Variants in RAB31 observed in about 807,000 individuals in gnomAD.
RAB31 encodes the protein RAB31, member RAS oncogene family, also known as ras-related protein Rab-31.
In RAB31, 21 loss-of-function variants were observed where a neutral mutation model predicts 25.6. That is an observed-to-expected ratio of 0.82 (90% CI 0.58 to 1.18). The LOEUF is 1.18. Among genes scored for constraint, RAB31 ranks in the 50% most tolerant of loss-of-function variants. The probability of loss-of-function intolerance (pLI) is 0.00; values close to 1 mark genes in which losing one functional copy is unlikely to be tolerated. For missense variants in RAB31, 196 were observed against 250.1 expected (o/e 0.78, Z 1.46); for synonymous variants, 87 against 84.0 (o/e 1.04, Z -0.20).
At chr18:9,850,065 G>A (rs891210683) in intron 6 of RAB31, among the ~76,000 whole-genome samples, 4 of 152,204 alleles carry the variant, frequency 2.6e-5, no homozygotes, top group Non-Finnish European at 5.9e-5. Flanking sequence ...TTGGACGAGG[G>A]TGGAGGAAGT....
At chr18:9,850,867 AAAATAAATAAAT>A (rs10569954) in intron 6 of RAB31, among the ~76,000 whole-genome samples, 13 of 150,226 alleles carry the variant, frequency 8.7e-5, no homozygotes, top group African/African-American at 2.9e-4. Context: ...TCCTATCTCT[AAAATAAATAAAT>A]AAATAAATAA....
chr18:9,801,857 C>T (rs758406193), intron 3 of RAB31, among the ~76,000 whole-genome samples: 1 of 152,196 alleles, frequency 6.6e-6, no homozygotes, highest in Non-Finnish European at 1.5e-5. Flanking sequence ...TAATTTCTGT[C>T]CATGTTGTAA....
chr18:9,754,260 C>T (rs2068249668), intron 1 of RAB31, among the ~76,000 whole-genome samples: 2 of 152,134 alleles, frequency 1.3e-5, no homozygotes, highest in Non-Finnish European at 1.5e-5. Flanking sequence ...AAAATTGTGT[C>T]TGTACTGAAC....
chr18:9,764,649 C>T (rs11665182), intron 1 of RAB31, among the ~76,000 whole-genome samples: 45,643 of 152,024 alleles, frequency 0.3, 7,152 homozygotes, highest in Middle Eastern at 0.37. Flanking sequence ...CCTTCCTTTC[C>T]GCTTATTTTT....
In RAB31 at chr18:9,734,186, G is replaced by A. The variant is rs562743618; in HGVS notation, c.39+25742G>A. On this transcript the variant is annotated intron_variant, in intron 1 of 6. Transcript: ENST00000578921. ...AGGTACATAAGAGCTAGTATCTATCGCACTCTATATACTGACACTGGACGA... is the reference window on the plus strand; with the variant it reads ...AGGTACATAAGAGCTAGTATCTATCACACTCTATATACTGACACTGGACGA... Among the ~76,000 whole-genome samples the A allele has an allele frequency of 2.0e-5, 3 of 151,898 alleles. No homozygotes were observed. The South Asian group carries it at 6.2e-4, about 32-fold the overall frequency.
chr18:9,772,856 G>C (rs1175657854), intron 1 of RAB31, among the ~76,000 whole-genome samples: 1 of 152,070 alleles, frequency 6.6e-6, no homozygotes, highest in Non-Finnish European at 1.5e-5. Context: ...GCTACAGTCT[G>C]GCAAGGATTT....
Position 9,802,748 on chromosome 18 carries a change from G to A in RAB31, c.201+10513G>A, listed in dbSNP as rs369638101. Among the ~76,000 whole-genome samples, 171 of 152,354 alleles carry A rather than the reference G, an allele frequency of 1.1e-3. 6 individuals are homozygous for A. In the South Asian group the frequency reaches 0.033, roughly 29 times the overall value. On this transcript the variant is annotated intron_variant, in intron 3 of 6. Transcript: ENST00000578921. The stretch of plus-strand genomic sequence containing the variant: ...GTGCCCAGAGGGCTGGGATGCACTG[G>A]CACAAAGCTGTGCGGAATCGCTGGG...
At position 9,779,212 on chromosome 18, in the gene RAB31, T is replaced by C. The variant is rs372045011; in HGVS notation, c.119+3855T>C. ...GTAAACTAAAAGTGCTCTAAAAAAC[T>C]GTTATTAGTTTAAAAATTATGTCTT... On this transcript the variant is annotated intron_variant, in intron 2 of 6. Transcript: ENST00000578921. Among the ~76,000 whole-genome samples, 14 of 152,322 alleles carry C rather than the reference T, an allele frequency of 9.2e-5. No homozygotes were observed. In the South Asian group the frequency reaches 2.5e-3, roughly 27 times the overall value.
intron 6 of RAB31, among the ~76,000 whole-genome samples, chr18:9,858,502 A>G (rs2068830491): frequency 6.6e-6 from 1 of 152,244 alleles, no homozygotes; most frequent in Admixed American, 6.5e-5. Context: ...AAATCACCTC[A>G]TAAAGAAACC....
At chr18:9,801,705 G>A (rs2068514681) in intron 3 of RAB31, among the ~76,000 whole-genome samples, 1 of 152,238 alleles carries the variant, frequency 6.6e-6, no homozygotes, top group African/African-American at 2.4e-5. Context: ...AAAACTAGCA[G>A]TGTGTAAGGC....
chr18:9,775,183 A>G, intron 1 of RAB31, 95 bp from the exon 2 acceptor site: 1 of 1,580,320 alleles, frequency 6.3e-7, no homozygotes, highest in Non-Finnish European at 8.6e-7. Flanking sequence ...AGAAATAGCC[A>G]GTCGTGTCCT....
intron 1 of RAB31, among the ~76,000 whole-genome samples, chr18:9,742,279 T>C (rs2068183687): frequency 1.3e-5 from 2 of 152,196 alleles, no homozygotes; most frequent in African/African-American, 4.8e-5. Context: ...CAAAGACTCC[T>C]AGGGGCAAAC....
chr18:9,782,211 G>A (rs1479550665), intron 2 of RAB31, among the ~76,000 whole-genome samples: 3 of 152,228 alleles, frequency 2.0e-5, no homozygotes, highest in Non-Finnish European at 4.4e-5. Context: ...CTGGTCCCTA[G>A]ACATTTCAGT....
intron 1 of RAB31, among the ~76,000 whole-genome samples, chr18:9,713,247 C>G (rs2068026910): frequency 6.6e-6 from 1 of 152,058 alleles, no homozygotes; most frequent in African/African-American, 2.4e-5. Context: ...ATTTGCTTTC[C>G]AAGTCTGAGA....
At position 9,850,749 on chromosome 18, in the gene RAB31, C is replaced by T. The variant is rs186741866; in HGVS notation, c.490+5058C>T. 2.0e-4 allele frequency among the ~76,000 whole-genome samples: 30 copies of T among 152,100 alleles called. No homozygotes were observed. The Middle Eastern group carries it at 0.014, about 69-fold the overall frequency. On this transcript the variant is annotated intron_variant, in intron 6 of 6. Transcript: ENST00000578921. ...GGCATGGCGGTGTGCACCTGTAGTC[C>T]CAGCTACTCTGGAGACTGAGGCAGG...
At chr18:9,710,024 C>T (rs1050365898) in intron 1 of RAB31, among the ~76,000 whole-genome samples, 1 of 152,138 alleles carries the variant, frequency 6.6e-6, no homozygotes, top group African/African-American at 2.4e-5. Context: ...GCCTTTTTTT[C>T]TGCAACTCTT....
intron 5 of RAB31, among the ~76,000 whole-genome samples, chr18:9,838,600 A>G (rs1029450944): frequency 6.6e-6 from 1 of 152,210 alleles, no homozygotes. Context: ...GGCAGCTGCC[A>G]TGTTGCCAGG....
intron 6 of RAB31, among the ~76,000 whole-genome samples, chr18:9,853,958 C>CTT (rs1568197044): frequency 8.7e-6 from 1 of 115,384 alleles, no homozygotes; most frequent in Non-Finnish European, 1.9e-5. Flanking sequence ...CTTTTCTTTT[C>CTT]TTTTCTTTTT....
intron 1 of RAB31, among the ~76,000 whole-genome samples, chr18:9,754,333 G>A (rs1396689421): frequency 6.6e-6 from 1 of 152,090 alleles, no homozygotes; most frequent in Non-Finnish European, 1.5e-5. Flanking sequence ...AGGCTGGAAT[G>A]CAATGGCACG....
Sources: gnomAD v4.1 joint callset for allele counts (sites outside exome capture counted in the v4.1 genomes callset) on GRCh38, gnomAD v4.1.1 for gene constraint, MANE v1.5 for transcripts, NCBI Gene and HGNC (gene_info 2026-07-23, HGNC 2026-07-21) for gene names.